Variants in KATNAL2 observed in about 807,000 individuals in gnomAD.
KATNAL2 encodes katanin p60 ATPase-containing subunit A-like 2.
Under a neutral mutation model 76.3 loss-of-function variants are expected in KATNAL2, and 52 were observed. That is an observed-to-expected ratio of 0.68 (90% confidence interval 0.55 to 0.86). The LOEUF is 0.86. KATNAL2 is among the 40% of genes least tolerant of loss of function. KATNAL2 has a pLI of 0.00. For synonymous variants in KATNAL2, 243 were observed against 244.2 expected (o/e 1.00, Z 0.05); for missense variants, 660 against 668.9 (o/e 0.99, Z 0.15).
At chr18:47,082,879 G>T (rs922991509) in intron 15 of KATNAL2, among the ~76,000 whole-genome samples, 3 of 152,172 alleles carry the variant, frequency 2.0e-5, no homozygotes, top group African/African-American at 7.2e-5. Flanking sequence ...CGCAGAGGTT[G>T]TACCACTTTG....
intron 15 of KATNAL2, among the ~76,000 whole-genome samples, chr18:47,091,617 CAG>C (rs1271717630): frequency 2.0e-5 from 3 of 152,162 alleles, no homozygotes; most frequent in African/African-American, 4.8e-5. Context: ...GCCTGGCTGT[CAG>C]AGAGTTGCAC....
chr18:46,965,585 C>CT (rs1275116240), intron 3 of KATNAL2, among the ~76,000 whole-genome samples: 2 of 91,084 alleles, frequency 2.2e-5, no homozygotes, highest in Admixed American at 9.4e-5. Flanking sequence ...ATCCCCGCCC[C>CT]CCCCCCCCCG....
At chr18:47,080,001 A>C (rs1278595955) in intron 15 of KATNAL2, among the ~76,000 whole-genome samples, 1 of 152,190 alleles carries the variant, frequency 6.6e-6, no homozygotes, top group Non-Finnish European at 1.5e-5. Context: ...GTGAGCATCC[A>C]TTGATGACCT....
rs1568032117 is a variant in KATNAL2 at position 47,099,283 on chromosome 18, A to T, written c.1252A>T (p.Ile418Phe). 5.6e-6 allele frequency: 9 copies of T among 1,614,140 alleles called. No individual in the cohort carries two copies. The highest frequency in any genetic ancestry group is 7.6e-6 in the Non-Finnish European group (9 of 1,179,984). The part of the protein sequence containing the change: ...CAMLRRLEKR[I>F]LVDLPSREAR... ...CATGTTACGCCGCCTGGAGAAGAGGATTCTGGTCGATCTCCCCAGCCGGGA... is the reference window on the plus strand; with the variant it reads ...CATGTTACGCCGCCTGGAGAAGAGGTTTCTGGTCGATCTCCCCAGCCGGGA... The change falls in exon 16 of 18, where the codon ATT becomes TTT. Residue 418 changes from isoleucine (I) to phenylalanine (F), a missense_variant. By Grantham distance (21) the Ile-to-Phe change is conservative. Transcript: ENST00000683218.
At chr18:47,096,744 T>C (rs2063257974) in intron 15 of KATNAL2, among the ~76,000 whole-genome samples, 1 of 152,182 alleles carries the variant, frequency 6.6e-6, no homozygotes, top group Admixed American at 6.5e-5. Flanking sequence ...ATAGGAATGG[T>C]AATTTAGAGT....
intron 1 of KATNAL2, chr18:46,919,960 A>G: frequency 1.4e-6 from 1 of 738,664 alleles, no homozygotes; most frequent in Non-Finnish European, 2.1e-6. Context: ...CGAATAGAGT[A>G]CAATACAGCC....
At chr18:46,942,107 T>A (rs1413576563) in intron 1 of KATNAL2, among the ~76,000 whole-genome samples, 1 of 152,178 alleles carries the variant, frequency 6.6e-6, no homozygotes, top group Non-Finnish European at 1.5e-5. Flanking sequence ...GGTTGCTCTA[T>A]GAGGAAGTTA....
At chr18:47,093,801 T>C (rs551690475) in intron 15 of KATNAL2, among the ~76,000 whole-genome samples, 1 of 152,382 alleles carries the variant, frequency 6.6e-6, no homozygotes, top group African/African-American at 2.4e-5. Context: ...TAGGCCACCA[T>C]GCCTGGCCTT....
chr18:47,070,489 C>T lies in KATNAL2; in HGVS notation c.1008+889C>T, dbSNP rs943769811. ...ATATTATAAAATGGTACTGAATCTTCCAATGACATTAAGAGCACTTCCATT... is the reference window on the plus strand; with the variant it reads ...ATATTATAAAATGGTACTGAATCTTTCAATGACATTAAGAGCACTTCCATT... On this transcript the variant is annotated intron_variant, in intron 13 of 17. Coordinates refer to ENST00000683218, the MANE Select transcript of KATNAL2 (RefSeq NM_001387690.1). 2.0e-5 allele frequency among the ~76,000 whole-genome samples: 3 copies of T among 152,118 alleles called. No individual in the cohort carries two copies. In the East Asian group the frequency reaches 5.8e-4, roughly 29 times the overall value.
chr18:46,932,530 T>C (rs1213625736), intron 1 of KATNAL2, among the ~76,000 whole-genome samples: 1 of 151,242 alleles, frequency 6.6e-6, no homozygotes, highest in African/African-American at 2.4e-5. Flanking sequence ...CAAAAACTAG[T>C]TGGCATGGTG....
chr18:46,933,553 G>A (rs921493730), intron 1 of KATNAL2, among the ~76,000 whole-genome samples: 2 of 152,042 alleles, frequency 1.3e-5, no homozygotes, highest in South Asian at 4.1e-4. Flanking sequence ...TCCTAGACTG[G>A]CAATTCATAG....
At chr18:46,923,245 G>A (rs1317114792) in intron 1 of KATNAL2, among the ~76,000 whole-genome samples, 21 of 83,306 alleles carry the variant, frequency 2.5e-4, no homozygotes, top group African/African-American at 4.0e-4. Context: ...CCCCGTCCCC[G>A]GTGTGTGATG....
chr18:47,034,801 C>T (rs780037542), intron 3 of KATNAL2: 1 of 1,612,354 alleles, frequency 6.2e-7, no homozygotes, highest in Non-Finnish European at 8.5e-7. Flanking sequence ...GGGGCACTTT[C>T]TCTCAGCTCT....
chr18:47,060,928 T>C (rs1299860370), intron 8 of KATNAL2, among the ~76,000 whole-genome samples: 1 of 152,244 alleles, frequency 6.6e-6, no homozygotes, highest in Non-Finnish European at 1.5e-5. Context: ...AAGTTTCTCT[T>C]GTGAATGCCT....
In KATNAL2 at chr18:47,099,272, T is replaced by G. The variant is rs1568032059; in HGVS notation, c.1241T>G (p.Leu414Arg). 2 of 1,614,066 alleles carry G rather than the reference T, an allele frequency of 1.2e-6. No homozygotes were observed. The highest frequency in any genetic ancestry group is 1.7e-6 in the Non-Finnish European group (2 of 1,179,936). Residue 414 changes from leucine (L) to arginine (R), a missense_variant, in exon 16 of 18, where the codon CTG (leucine) becomes CGG (arginine). Coordinates refer to ENST00000683218, the MANE Select transcript of KATNAL2 (RefSeq NM_001387690.1). ...CTGGACTGTGCCATGTTACGCCGCC[T>G]GGAGAAGAGGATTCTGGTCGATCTC... The part of the protein sequence containing the change: ...WELDCAMLRR[L>R]EKRILVDLPS...
intron 1 of KATNAL2, among the ~76,000 whole-genome samples, chr18:46,932,946 A>G (rs1000988353): frequency 6.6e-6 from 1 of 151,952 alleles, no homozygotes; most frequent in African/African-American, 2.4e-5. Flanking sequence ...TATTTTTAAT[A>G]GAGACAGGGT....
chr18:47,025,338 A>G (rs1481179152), intron 3 of KATNAL2, among the ~76,000 whole-genome samples: 76 of 117,148 alleles, frequency 6.5e-4, no homozygotes, highest in African/African-American at 2.2e-3. Flanking sequence ...TGCAGCTGAT[A>G]TTGGTGCCAC....
chr18:46,945,776 C>T (rs574586231), intron 1 of KATNAL2, among the ~76,000 whole-genome samples: 1 of 152,248 alleles, frequency 6.6e-6, no homozygotes, highest in African/African-American at 2.4e-5. Context: ...TAATAAATTA[C>T]AGTTATGATT....
In KATNAL2 at chr18:47,063,283, G is replaced by A; in HGVS notation, c.649-1G>A. 3 of 1,613,352 alleles carry A rather than the reference G, an allele frequency of 1.9e-6. No homozygotes were observed. Among genetic ancestry groups the A allele is most frequent in the Non-Finnish European group, 2.5e-6 (3 of 1,179,758 alleles). On this transcript the variant is annotated splice_acceptor_variant, in intron 9 of 17. Coordinates refer to ENST00000683218, the MANE Select transcript of KATNAL2 (RefSeq NM_001387690.1). LOFTEE classifies it high-confidence loss of function. ...GTGAGCCTTTCCGCTCCTCTCATCA[G>A]GAACGACTGCTGAAACCTCTGAGTG...
Sources: gnomAD v4.1 joint callset for allele counts (sites outside exome capture counted in the v4.1 genomes callset) on GRCh38, gnomAD v4.1.1 for gene constraint, MANE v1.5 for transcripts, NCBI Gene and HGNC (gene_info 2026-07-23, HGNC 2026-07-21) for gene names.